The following FARP1 variants were observed in gnomAD, a reference collection of about 807,000 sequenced individuals.
FARP1 encodes FERM, ARH/RhoGEF and pleckstrin domain protein 1.
In FARP1, 52 loss-of-function variants were observed where a neutral mutation model predicts 128.8. That is an observed-to-expected ratio of 0.40 (90% CI 0.32 to 0.51). The LOEUF (loss-of-function observed/expected upper bound fraction) is 0.51. FARP1 is among the 20% of genes least tolerant of loss of function. FARP1 has a pLI of 0.45. For synonymous variants in FARP1, 580 were observed against 551.8 expected, an observed-to-expected ratio of 1.05 and a Z score of -0.72; for missense variants, 1,333 against 1,367.9, an observed-to-expected ratio of 0.97 and a Z score of 0.40.
chr13:98,344,696 C>T (rs190088231), intron 3 of FARP1, among the ~76,000 whole-genome samples: 136 of 152,284 alleles, frequency 8.9e-4, no homozygotes, highest in African/African-American at 3.1e-3. Flanking sequence ...GCAGCATCTA[C>T]GGGAAGAGCC....
intron 2 of FARP1, among the ~76,000 whole-genome samples, chr13:98,266,999 C>G (rs760792871): frequency 1.6e-4 from 16 of 97,668 alleles, no homozygotes; most frequent in Non-Finnish European, 2.8e-4. Flanking sequence ...GGGTGATGGT[C>G]AAGACTCCCA....
At chr13:98,264,519 TC>T in intron 2 of FARP1, among the ~76,000 whole-genome samples, 1 of 152,152 alleles carries the variant, frequency 6.6e-6, no homozygotes, top group Non-Finnish European at 1.5e-5. Context: ...TGTGTTCAAG[TC>T]ACCCTTATTT....
At chr13:98,220,872 AC>A (rs1363730074) in intron 2 of FARP1, among the ~76,000 whole-genome samples, 4 of 152,130 alleles carry the variant, frequency 2.6e-5, no homozygotes, top group African/African-American at 9.7e-5. Flanking sequence ...GAAAAAAAAA[AC>A]CAGTATAACC....
intron 5 of FARP1, 48 bp downstream of exon 5, chr13:98,368,243 A>G (rs747049273): frequency 3.7e-6 from 5 of 1,354,088 alleles, no homozygotes. Flanking sequence ...GTACAGAGGA[A>G]AAGAGAAAAT....
intron 2 of FARP1, among the ~76,000 whole-genome samples, chr13:98,305,113 TATATA>T (rs1297508236): frequency 2.6e-5 from 1 of 38,494 alleles, no homozygotes; most frequent in Non-Finnish European, 5.3e-5. Context: ...TGTATATATA[TATATA>T]TTTTTTAATT....
chr13:98,268,350 G>A (rs977457623), intron 2 of FARP1, among the ~76,000 whole-genome samples: 1 of 152,116 alleles, frequency 6.6e-6, no homozygotes, highest in East Asian at 1.9e-4. Context: ...TTGCATGTAT[G>A]GAGGATTCAG....
intron 2 of FARP1, among the ~76,000 whole-genome samples, chr13:98,213,751 G>A (rs1880881952): frequency 6.6e-6 from 1 of 152,134 alleles, no homozygotes. Flanking sequence ...TCTTGTGGCT[G>A]GATCCCAGTT....
chr13:98,421,660 C>G (rs1320841849), intron 16 of FARP1, among the ~76,000 whole-genome samples: 2 of 152,094 alleles, frequency 1.3e-5, no homozygotes, highest in Non-Finnish European at 2.9e-5. Flanking sequence ...GAATTCAAGG[C>G]CAGCTTTGAC....
chr13:98,337,276 G>A (rs546671436), intron 2 of FARP1, among the ~76,000 whole-genome samples: 1 of 152,294 alleles, frequency 6.6e-6, no homozygotes, highest in Non-Finnish European at 1.5e-5. Context: ...GGGAGGCTGA[G>A]GTGGGAGGAT....
At position 98,186,133 on chromosome 13, in the gene FARP1, G is replaced by A. The variant is rs186988651; in HGVS notation, c.-23-27087G>A. On this transcript the variant is annotated intron_variant, in intron 1 of 26. Transcript: ENST00000319562. ...TTCTTTTTTTTTGAAACGGAGTTTC[G>A]CTCTTGTTGCCCAGGCTGGCTGGAG... Among the ~76,000 whole-genome samples, 63 of 151,594 alleles carry A rather than the reference G, an allele frequency of 4.2e-4. No individual in the cohort carries two copies. In the East Asian group the frequency reaches 0.011, roughly 27 times the overall value.
intron 1 of FARP1, among the ~76,000 whole-genome samples, chr13:98,168,244 A>G (rs1877418815): frequency 6.6e-6 from 1 of 152,200 alleles, no homozygotes; most frequent in Admixed American, 6.5e-5. Context: ...TACTATCACT[A>G]TTGACAGCTA....
At chr13:98,188,935 T>G (rs1879057497) in intron 1 of FARP1, among the ~76,000 whole-genome samples, 2 of 152,188 alleles carry the variant, frequency 1.3e-5, no homozygotes, top group Admixed American at 1.3e-4. Context: ...ACCCAGGATG[T>G]TTCTGAGGTT....
intron 3 of FARP1, among the ~76,000 whole-genome samples, chr13:98,354,615 A>C (rs1467703031): frequency 4.6e-5 from 7 of 152,238 alleles, no homozygotes; most frequent in Admixed American, 4.6e-4. Context: ...TATTAAACTA[A>C]ATATACACTA....
At chr13:98,271,586 A>T (rs1393413279) in intron 2 of FARP1, among the ~76,000 whole-genome samples, 1 of 151,860 alleles carries the variant, frequency 6.6e-6, no homozygotes, top group Admixed American at 6.6e-5. Flanking sequence ...GACAGGCCCC[A>T]GTATGTGATA....
intron 2 of FARP1, among the ~76,000 whole-genome samples, chr13:98,313,742 G>GA (rs1030978653): frequency 6.6e-6 from 1 of 151,966 alleles, no homozygotes; most frequent in African/African-American, 2.4e-5. Context: ...TTCCTTTAGA[G>GA]AAAAAAAATG....
chr13:98,292,627 A>G (rs988542904), intron 2 of FARP1, among the ~76,000 whole-genome samples: 4 of 152,236 alleles, frequency 2.6e-5, no homozygotes, highest in African/African-American at 7.2e-5. Flanking sequence ...GCACAGATAT[A>G]GAACATTCCC....
chr13:98,303,214 G>T (rs1346183328), intron 2 of FARP1, among the ~76,000 whole-genome samples: 1 of 152,184 alleles, frequency 6.6e-6, no homozygotes, highest in Admixed American at 6.5e-5. Flanking sequence ...CTGATGTTGG[G>T]TGGTTGTCTT....
chr13:98,371,306 G>A (rs1174762333), intron 5 of FARP1, among the ~76,000 whole-genome samples: 21 of 146,700 alleles, frequency 1.4e-4, no homozygotes, highest in African/African-American at 5.3e-4. Context: ...GAGGTTTGCA[G>A]TTGGCTACCA....
At chr13:98,381,030 C>A (rs1458087540) in intron 6 of FARP1, among the ~76,000 whole-genome samples, 1 of 152,174 alleles carries the variant, frequency 6.6e-6, no homozygotes, top group Non-Finnish European at 1.5e-5. Flanking sequence ...CATTTTCCCC[C>A]CAGAAACCAG....
Sources: allele counts gnomAD v4.1 joint callset (sites outside exome capture counted in the v4.1 genomes callset), GRCh38; gene constraint gnomAD v4.1.1; transcripts MANE v1.5; gene names NCBI Gene and HGNC (gene_info 2026-07-23, HGNC 2026-07-21).